Variants in PLAGL2 observed in about 807,000 individuals in gnomAD.
PLAGL2 encodes the protein PLAG1 like zinc finger 2.
In PLAGL2, 7 loss-of-function variants were observed where a neutral mutation model predicts 29.0. That is an observed-to-expected ratio of 0.24 (90% CI 0.14 to 0.45). PLAGL2 has a LOEUF of 0.45. Among genes scored for constraint, PLAGL2 ranks in the 20% least tolerant of loss-of-function variants. The probability of loss-of-function intolerance (pLI) is 0.99; values close to 1 mark genes in which losing one functional copy is unlikely to be tolerated. For missense variants in PLAGL2, 454 were observed against 648.2 expected (o/e 0.70, Z 3.25); for synonymous variants, 234 against 266.0 (o/e 0.88, Z 1.17).
rs1252523539 is a variant in PLAGL2, at chr20:32,193,380, G to C, written c.*3072C>G. The C allele has an allele frequency of 1.3e-5, 2 of 152,228 alleles. No homozygotes were observed. The highest frequency in any genetic ancestry group is 1.3e-4 in the Admixed American group (2 of 15,280). 9.4% of individuals were successfully genotyped at this position (152,228 alleles called of 1,614,324 possible). A position where few individuals can be genotyped will look rare whatever the true frequency, so the allele number is the denominator to read the frequency against. ...ATTAAGAAAATGCCATTTGTAAAAGGTTGGGCGGTGGGCTGGAGGGCGGGG... is the reference window on the plus strand; with the variant it reads ...ATTAAGAAAATGCCATTTGTAAAAGCTTGGGCGGTGGGCTGGAGGGCGGGG... On this transcript the variant is annotated 3_prime_UTR_variant, in exon 3 of 3. Coordinates refer to ENST00000246229, the MANE Select transcript of PLAGL2 (RefSeq NM_002657.3).
chr20:32,201,798 T>C (rs2047260806), intron 2 of PLAGL2, 121 bp downstream of exon 2: 4 of 769,286 alleles, frequency 5.2e-6, no homozygotes, highest in East Asian at 2.6e-5. Flanking sequence ...CAGGGTATAC[T>C]TGTAGGACAA....
intron 1 of PLAGL2, among the ~76,000 whole-genome samples, chr20:32,207,246 G>C (rs572966369): frequency 9.2e-5 from 14 of 152,284 alleles, no homozygotes; most frequent in African/African-American, 3.1e-4. Flanking sequence ...CTGGGTAGGC[G>C]TGTCGGAGGG....
intron 1 of PLAGL2, among the ~76,000 whole-genome samples, chr20:32,206,191 C>T (rs535442961): frequency 3.9e-5 from 6 of 152,240 alleles, no homozygotes; most frequent in Admixed American, 3.3e-4. Context: ...GAAACAAATC[C>T]TAAAACACAC....
chr20:32,205,312 T>G (rs2122549262), intron 1 of PLAGL2, among the ~76,000 whole-genome samples: 2 of 152,240 alleles, frequency 1.3e-5, no homozygotes, highest in Admixed American at 1.3e-4. Flanking sequence ...TCCCCCAGAA[T>G]GCAGTCTTCC....
chr20:32,193,822 T>C lies in PLAGL2; in HGVS notation c.*2630A>G, dbSNP rs1447224384. The C allele has an allele frequency of 6.6e-6, 1 of 151,498 alleles. No homozygotes were observed. Among genetic ancestry groups the C allele is most frequent in the East Asian group, 1.9e-4 (1 of 5,160 alleles). 9.4% of individuals were successfully genotyped at this position (151,498 alleles called of 1,614,324 possible). A position where few individuals can be genotyped will look rare whatever the true frequency, so the allele number is the denominator to read the frequency against. On this transcript the variant is annotated 3_prime_UTR_variant, in exon 3 of 3. Transcript: ENST00000246229. ...ATTTTAGGAAGGGAGGTTTAAGAAA[T>C]GACTGGCTAGCTATGGTCCAAAAAA...
chr20:32,201,846 C>G, intron 2 of PLAGL2, 73 bp downstream of exon 2: 3 of 1,340,612 alleles, frequency 2.2e-6, no homozygotes, highest in Non-Finnish European at 3.1e-6. Flanking sequence ...TAAAAACCCA[C>G]ACTAGGCAGA....
chr20:32,196,840 C>T lies in PLAGL2; in HGVS notation c.1103G>A (p.Gly368Glu). 6.2e-7 allele frequency: 1 copy of T among 1,613,972 alleles called. No homozygotes were observed. Among genetic ancestry groups the T allele is most frequent in the Non-Finnish European group, 8.5e-7 (1 of 1,179,878 alleles). ...TTCAGCGGATGAGAGAGACAGGCTT[C>T]CAGGAAGCTCCGCCAGAAAACTATC... ...EVDSFLAELPGSLSLSSAEPQ... is the reference protein window; with the variant it reads ...EVDSFLAELPESLSLSSAEPQ... Residue 368 changes from glycine to glutamate, a missense_variant, in exon 3 of 3, where the codon GGA becomes GAA. Gly to Glu is a moderately conservative substitution (Grantham distance 98, BLOSUM62 -2). Around this residue, in one of 4 missense-constraint regions of PLAGL2, gnomAD observed 247 missense variants for 350.3 expected, o/e 0.71. Coordinates refer to ENST00000246229, the MANE Select transcript of PLAGL2 (RefSeq NM_002657.3).
chr20:32,206,222 A>G (rs1219368227), intron 1 of PLAGL2, among the ~76,000 whole-genome samples: 1 of 152,226 alleles, frequency 6.6e-6, no homozygotes, highest in African/African-American at 2.4e-5. Context: ...GAAAACAGTG[A>G]GAAGAGGGGA....
At chr20:32,202,996 C>T (rs564048722) in intron 1 of PLAGL2, among the ~76,000 whole-genome samples, 1 of 152,330 alleles carries the variant, frequency 6.6e-6, no homozygotes, top group East Asian at 1.9e-4. Context: ...AGGGCCCAGA[C>T]CATCCCTCTT....
At position 32,192,550 on chromosome 20, in the gene PLAGL2, C is replaced by T. The variant is rs2047206255; in HGVS notation, c.*3902G>A. ...TAATAAACAACTTCATTATAAAAAC[C>T]TTTTTTTGAAAATGTAATTCTGTAA... On this transcript the variant is annotated 3_prime_UTR_variant, in exon 3 of 3. Coordinates refer to ENST00000246229, the MANE Select transcript of PLAGL2 (RefSeq NM_002657.3). The T allele has an allele frequency of 6.6e-6, 1 of 152,496 alleles. No homozygotes were observed. Among genetic ancestry groups the T allele is most frequent in the African/African-American group, 2.4e-5 (1 of 41,402 alleles). 9.4% of individuals were successfully genotyped at this position (152,496 alleles called of 1,614,324 possible). A position where few individuals can be genotyped will look rare whatever the true frequency, so the allele number is the denominator to read the frequency against.
At chr20:32,205,797 T>C (rs2047283407) in intron 1 of PLAGL2, among the ~76,000 whole-genome samples, 1 of 152,200 alleles carries the variant, frequency 6.6e-6, no homozygotes, top group South Asian at 2.1e-4. Flanking sequence ...TCTTTGTCTT[T>C]GTATTGAGTT....
chr20:32,199,168 C>T (rs555573998), intron 2 of PLAGL2, among the ~76,000 whole-genome samples: 35 of 152,326 alleles, frequency 2.3e-4, no homozygotes, highest in African/African-American at 7.9e-4. Flanking sequence ...AACAGGCCTT[C>T]GGAAGACCTA....
At chr20:32,205,288 C>G (rs1357787075) in intron 1 of PLAGL2, among the ~76,000 whole-genome samples, 1 of 152,106 alleles carries the variant, frequency 6.6e-6, no homozygotes, top group African/African-American at 2.4e-5. Context: ...GAGTTTCCTT[C>G]CTTTCCCAAC....
At position 32,196,711 on chromosome 20, in the gene PLAGL2, T is replaced by A; in HGVS notation, c.1232A>T (p.Asn411Ile). 1 of 1,567,432 alleles carries A rather than the reference T, an allele frequency of 6.4e-7. No individual in the cohort carries two copies. Among genetic ancestry groups the A allele is most frequent in the East Asian group, 2.2e-5 (1 of 44,536 alleles). ...ANLSEALCAA[N>I]VDFSHLLGFL... ...GCCCAGTAGGTGGGAGAAGTCCACA[T>A]TAGCAGCGCAGAGGGCCTCAGAGAG... is the stretch of plus-strand genomic sequence containing the variant. The change falls in exon 3 of 3, where the codon AAT (asparagine) becomes ATT (isoleucine). Residue 411 changes from asparagine to isoleucine, a missense_variant. Around this residue, in one of 4 missense-constraint regions of PLAGL2, gnomAD observed 247 missense variants for 350.3 expected, o/e 0.71. Coordinates refer to ENST00000246229, the MANE Select transcript of PLAGL2 (RefSeq NM_002657.3).
intron 2 of PLAGL2, among the ~76,000 whole-genome samples, chr20:32,201,617 A>C (rs2047259818): frequency 6.6e-6 from 1 of 152,158 alleles, no homozygotes; most frequent in Admixed American, 6.5e-5. Context: ...ACAAAACTCA[A>C]GGCTGCCTGA....
rs1032495140 is a variant in PLAGL2, at chr20:32,195,511, C to A, written c.*941G>T. 2 of 152,684 alleles carry A rather than the reference C, an allele frequency of 1.3e-5. No homozygotes were observed. Among genetic ancestry groups the A allele is most frequent in the Non-Finnish European group, 2.9e-5 (2 of 68,048 alleles). The allele number at this position is 152,684 out of a possible 1,614,324, so 9.5% of individuals were successfully genotyped here. A position where few individuals can be genotyped will look rare whatever the true frequency, so the allele number is the denominator to read the frequency against. ...GGGTCATAATGTACTTGGAGAAAAA[C>A]AGAATTGCAGACCTGTGAGAAAACT... On this transcript the variant is annotated 3_prime_UTR_variant, in exon 3 of 3. Coordinates refer to ENST00000246229, the MANE Select transcript of PLAGL2 (RefSeq NM_002657.3).
At chr20:32,204,743 G>A (rs2047277308) in intron 1 of PLAGL2, among the ~76,000 whole-genome samples, 1 of 152,342 alleles carries the variant, frequency 6.6e-6, no homozygotes, top group African/African-American at 2.4e-5. Flanking sequence ...TACATAAGCA[G>A]AAGGCCTGTT....
chr20:32,192,787 T>C lies in PLAGL2; in HGVS notation c.*3665A>G, dbSNP rs1463177571. On this transcript the variant is annotated 3_prime_UTR_variant, in exon 3 of 3. Coordinates refer to ENST00000246229, the MANE Select transcript of PLAGL2 (RefSeq NM_002657.3). ...AGAGTGGCTCCAAAGCCTTGACCGC[T>C]GGTAGGGAGGGAGAAGCATGAGAAG... is the stretch of plus-strand genomic sequence containing the variant. 1.3e-5 allele frequency: 2 copies of C among 152,602 alleles called. No homozygotes were observed. Among genetic ancestry groups the C allele is most frequent in the Non-Finnish European group, 2.9e-5 (2 of 68,036 alleles). 9.5% of individuals were successfully genotyped at this position (152,602 alleles called of 1,614,324 possible).
At chr20:32,202,658 A>C (rs542580142) in intron 1 of PLAGL2, among the ~76,000 whole-genome samples, 1 of 152,316 alleles carries the variant, frequency 6.6e-6, no homozygotes, top group Admixed American at 6.5e-5. Context: ...CCTCACTTTT[A>C]TATCCTTTCC....
Sources: allele counts gnomAD v4.1 joint callset (sites outside exome capture counted in the v4.1 genomes callset), GRCh38; gene constraint gnomAD v4.1.1; regional missense constraint gnomAD v4.1.1; transcripts MANE v1.5; gene names NCBI Gene and HGNC (gene_info 2026-07-23, HGNC 2026-07-21).